The following KCNE2 variants were observed in gnomAD, a reference collection of about 807,000 sequenced individuals.
KCNE2 encodes the protein potassium voltage-gated channel subfamily E regulatory subunit 2.
A neutral mutation model predicts 4.5 loss-of-function variants in KCNE2; 4 were observed. The ratio of observed to expected loss-of-function variants is 0.89; its 90% CI spans 0.44 to 2.03. The LOEUF (loss-of-function observed/expected upper bound fraction) is 2.03, where lower values mean the gene tolerates loss of function less well. Among genes scored for constraint, KCNE2 ranks in the 30% most tolerant of loss-of-function variants. The probability of loss-of-function intolerance (pLI) is 0.03; values close to 1 mark genes in which losing one functional copy is unlikely to be tolerated. For missense variants in KCNE2, 137 were observed against 151.4 expected, an observed-to-expected ratio of 0.90 and a Z score of 0.50; for synonymous variants, 57 against 55.9, an observed-to-expected ratio of 1.02 and a Z score of -0.09.
intron 1 of KCNE2, among the ~76,000 whole-genome samples, chr21:34,367,301 A>T (rs1309584967): frequency 1.3e-5 from 2 of 152,158 alleles, no homozygotes; most frequent in African/African-American, 4.8e-5. Context: ...TATTTTAAAA[A>T]AGAGTTAATA....
intron 1 of KCNE2, among the ~76,000 whole-genome samples, chr21:34,366,703 G>A (rs1323817844): frequency 6.6e-6 from 1 of 151,974 alleles, no homozygotes; most frequent in African/African-American, 2.4e-5. Flanking sequence ...AACAAGGCCG[G>A]GCACGGTGGC....
Position 34,364,023 on chromosome 21 carries a change from T to C in KCNE2, c.-141T>C, listed in dbSNP as rs569123981. ...CTGCAGTTGCAAGGGCTTAGATGGT[T>C]GTAAGGTGAAGGTGCCCAGCAGGCT... On this transcript the variant is annotated 5_prime_UTR_variant, in exon 1 of 2. Coordinates refer to ENST00000290310, the MANE Select transcript of KCNE2 (RefSeq NM_172201.2). The C allele has an allele frequency of 6.6e-6, 1 of 152,350 alleles. No homozygotes were observed. The highest frequency in any genetic ancestry group is 2.1e-4 in the South Asian group (1 of 4,822). The allele number at this position is 152,350 out of a possible 1,614,324, so 9.4% of individuals were successfully genotyped here. A position where few individuals can be genotyped will look rare whatever the true frequency, so the allele number is the denominator to read the frequency against.
intron 1 of KCNE2, 65 bp downstream of exon 1, chr21:34,364,216 T>G (rs1979199453): frequency 6.6e-6 from 1 of 152,238 alleles, no homozygotes; most frequent in Non-Finnish European, 1.5e-5. Flanking sequence ...TATGTGCCTT[T>G]TCCAGAAAAT....
chr21:34,367,602 T>C (rs1979365840), intron 1 of KCNE2, among the ~76,000 whole-genome samples: 1 of 152,176 alleles, frequency 6.6e-6, no homozygotes, highest in Non-Finnish European at 1.5e-5. Flanking sequence ...TATATTATCT[T>C]GGTGATGGTA....
rs1008907345 is a variant in KCNE2, at chr21:34,370,967, G to A, written c.*117G>A. ...GAAAGTGAGTTCCTTGCTCTCTGTT[G>A]AGAATTTTCATGGAGATTATGTGGT... On this transcript the variant is annotated 3_prime_UTR_variant, in exon 2 of 2. Transcript: ENST00000290310. 8 of 1,313,166 alleles carry A rather than the reference G, an allele frequency of 6.1e-6. No individual in the cohort carries two copies. The Admixed American group carries it at 1.5e-4, about 25-fold the overall frequency. The allele number at this position is 1,313,166 out of a possible 1,614,324, so 81.3% of individuals were successfully genotyped here.
chr21:34,368,251 TA>T (rs1475615715), intron 1 of KCNE2, among the ~76,000 whole-genome samples: 1 of 102,880 alleles, frequency 9.7e-6, no homozygotes, highest in Admixed American at 9.3e-5. Context: ...TATATATATA[TA>T]TATATATATG....
At position 34,370,817 on chromosome 21, in the gene KCNE2, C is replaced by A. The variant is rs756380802; in HGVS notation, c.339C>A (p.Asn113Lys). 1 of 1,614,148 alleles carries A rather than the reference C, an allele frequency of 6.2e-7. No homozygotes were observed. Among genetic ancestry groups the A allele is most frequent in the Admixed American group, 1.7e-5 (1 of 60,016 alleles). The change falls in exon 2 of 2, where the codon AAC (asparagine) becomes AAA (lysine). Residue 113 changes from asparagine (N) to lysine (K), a missense_variant. Coordinates refer to ENST00000290310, the MANE Select transcript of KCNE2 (RefSeq NM_172201.2). ...AATCGAAGGCCACCATCCATGAGAA[C>A]ATTGGTGCGGCTGGGTTCAAAATGT... Reference protein sequence around the residue: ...LEESKATIHENIGAAGFKMSP With the variant: ...LEESKATIHEKIGAAGFKMSP
At position 34,364,866 on chromosome 21, in the gene KCNE2, T is replaced by C. The variant is rs537947893; in HGVS notation, c.-13+715T>C. Among the ~76,000 whole-genome samples, 11 of 152,190 alleles carry C rather than the reference T, an allele frequency of 7.2e-5. No homozygotes were observed. The East Asian group carries it at 1.7e-3, about 24-fold the overall frequency. On this transcript the variant is annotated intron_variant, in intron 1 of 1. Transcript: ENST00000290310. Reference sequence around the variant, plus strand: ...GTGTCCTGATTGCTGTTGTCATGAATAACACACATTCATGACAGGAATGGC... The same window carrying C: ...GTGTCCTGATTGCTGTTGTCATGAACAACACACATTCATGACAGGAATGGC...
At chr21:34,367,001 A>AAAAG (rs869060590) in intron 1 of KCNE2, among the ~76,000 whole-genome samples, 1 of 146,494 alleles carries the variant, frequency 6.8e-6, no homozygotes, top group African/African-American at 2.5e-5. Flanking sequence ...AAAAAAAAAA[A>AAAAG]GGAAAAAAAC....
chr21:34,368,229 A>ACACT (rs781775671), intron 1 of KCNE2, among the ~76,000 whole-genome samples: 2 of 84,794 alleles, frequency 2.4e-5, no homozygotes, highest in African/African-American at 1.2e-4. Flanking sequence ...ACACACACAC[A>ACACT]ATATATATAT....
intron 1 of KCNE2, among the ~76,000 whole-genome samples, chr21:34,369,097 G>C (rs1979469233): frequency 6.6e-6 from 1 of 152,162 alleles, no homozygotes; most frequent in South Asian, 2.1e-4. Flanking sequence ...AAGATGTCAG[G>C]TGTGACCGAA....
chr21:34,370,865 A>G lies in KCNE2; in HGVS notation c.*15A>G, dbSNP rs761420303. The G allele has an allele frequency of 6.2e-7, 1 of 1,613,322 alleles. No homozygotes were observed. The highest frequency in any genetic ancestry group is 8.5e-7 in the Non-Finnish European group (1 of 1,180,026). On this transcript the variant is annotated 3_prime_UTR_variant, in exon 2 of 2. Transcript: ENST00000290310. ...TGTCCCCCTGATAAGGGAGAAAGGC[A>G]CCAAGCTAACATCTGACGTCCAGAC...
At position 34,371,004 on chromosome 21, in the gene KCNE2, G is replaced by T; in HGVS notation, c.*154G>T. The T allele has an allele frequency of 1.1e-6, 1 of 899,358 alleles. No homozygotes were observed. Among genetic ancestry groups the T allele is most frequent in the Non-Finnish European group, 1.8e-6 (1 of 569,026 alleles). The allele number at this position is 899,358 out of a possible 1,614,324, so 55.7% of individuals were successfully genotyped here. A position where few individuals can be genotyped will look rare whatever the true frequency, so the allele number is the denominator to read the frequency against. ...GGAGATTATGTGGTTGGCCAATAAA[G>T]ATAGATGACATTTCAATCTCAGTGA... On this transcript the variant is annotated 3_prime_UTR_variant, in exon 2 of 2. Transcript: ENST00000290310.
intron 1 of KCNE2, among the ~76,000 whole-genome samples, chr21:34,368,615 T>G (rs1051207712): frequency 6.6e-6 from 1 of 151,898 alleles, no homozygotes; most frequent in Non-Finnish European, 1.5e-5. Context: ...AACAAAAAAT[T>G]TTTGCCTTGC....
At chr21:34,366,487 TA>T (rs1359504137) in intron 1 of KCNE2, among the ~76,000 whole-genome samples, 2 of 151,700 alleles carry the variant, frequency 1.3e-5, no homozygotes, top group Non-Finnish European at 2.9e-5. Flanking sequence ...AGATTTTTAG[TA>T]AAGATTTGCT....
rs747232176 is a variant in KCNE2 at position 34,370,628 on chromosome 21, C to T, written c.150C>T (p.Ile50=). 1 of 1,614,218 alleles carries T rather than the reference C, an allele frequency of 6.2e-7. No homozygotes were observed. The highest frequency in any genetic ancestry group is 2.2e-5 in the East Asian group (1 of 44,894). Residue 50 remains isoleucine (I), a synonymous_variant, in exon 2 of 2, where the codon ATC becomes ATT. Coordinates refer to ENST00000290310, the MANE Select transcript of KCNE2 (RefSeq NM_172201.2). ...ATGCTGAGAACTTCTACTATGTCATCCTGTACCTCATGGTGATGATTGGAA... is the reference window on the plus strand; with the variant it reads ...ATGCTGAGAACTTCTACTATGTCATTCTGTACCTCATGGTGATGATTGGAA... ...KVDAENFYYV[I]LYLMVMIGMF...
rs41315517 is a variant in KCNE2 at position 34,371,331 on chromosome 21, T to G, written c.*481T>G. On this transcript the variant is annotated 3_prime_UTR_variant, in exon 2 of 2. Transcript: ENST00000290310. ...CGGACATAGGAGCATTTATCTGTAA[T>G]ATTAATTCATGAGTGTGGAGTCTGA... is the stretch of plus-strand genomic sequence containing the variant. The G allele has an allele frequency of 1.3e-3, 266 of 202,552 alleles. 9 individuals are homozygous for G. In the East Asian group the frequency reaches 0.033, roughly 25 times the overall value. 12.5% of individuals were successfully genotyped at this position (202,552 alleles called of 1,614,324 possible). A position where few individuals can be genotyped will look rare whatever the true frequency, so the allele number is the denominator to read the frequency against.
At chr21:34,365,601 G>A (rs1979257314) in intron 1 of KCNE2, among the ~76,000 whole-genome samples, 1 of 152,068 alleles carries the variant, frequency 6.6e-6, no homozygotes, top group Non-Finnish European at 1.5e-5. Context: ...ATTTTTTTAT[G>A]TTTTGTAGAG....
rs1471546260 is a variant in KCNE2 at position 34,371,117 on chromosome 21, G to A, written c.*267G>A. On this transcript the variant is annotated 3_prime_UTR_variant, in exon 2 of 2. Coordinates refer to ENST00000290310, the MANE Select transcript of KCNE2 (RefSeq NM_172201.2). ...GAATGTCATTTTAATCAATATCAAT[G>A]ATGAAAATAAAGCCAAATTTGAAGT... 1.2e-5 allele frequency: 6 copies of A among 512,340 alleles called. No homozygotes were observed. The highest frequency in any genetic ancestry group is 2.2e-5 in the Non-Finnish European group (6 of 278,356). 31.7% of individuals were successfully genotyped at this position (512,340 alleles called of 1,614,324 possible).
Sources: allele counts gnomAD v4.1 joint callset (sites outside exome capture counted in the v4.1 genomes callset), GRCh38; gene constraint gnomAD v4.1.1; transcripts MANE v1.5; gene names NCBI Gene and HGNC (gene_info 2026-07-23, HGNC 2026-07-21).